The following ALCAM variants were observed in gnomAD, a reference collection of about 807,000 sequenced individuals.
ALCAM encodes activated leukocyte cell adhesion molecule, also known as CD166 antigen.
In ALCAM, 30 loss-of-function variants were observed where a neutral mutation model predicts 70.9. The observed-to-expected ratio is 0.42, with a 90% CI of 0.32 to 0.57. The LOEUF (loss-of-function observed/expected upper bound fraction) is 0.57, where lower values mean the gene tolerates loss of function less well. Ranked by LOEUF, ALCAM falls within the 20% of genes least tolerant of loss-of-function variation. The pLI is 0.11. For synonymous variants in ALCAM, 249 were observed against 242.5 expected, an observed-to-expected ratio of 1.03 and a Z score of -0.25; for missense variants, 591 against 695.1, an observed-to-expected ratio of 0.85 and a Z score of 1.68.
chr3:105,382,472 G>A (rs1269332876), intron 1 of ALCAM, among the ~76,000 whole-genome samples: 2 of 152,012 alleles, frequency 1.3e-5, no homozygotes, highest in African/African-American at 4.8e-5. Flanking sequence ...GGATGGCTGG[G>A]TCAAATGGTA....
intron 1 of ALCAM, among the ~76,000 whole-genome samples, chr3:105,506,564 T>C (rs1939084364): frequency 6.6e-6 from 1 of 152,234 alleles, no homozygotes; most frequent in South Asian, 2.1e-4. Context: ...AGCTCGTCTT[T>C]ATAACCTAGT....
At chr3:105,502,545 C>G (rs1453380711) in intron 1 of ALCAM, among the ~76,000 whole-genome samples, 1 of 152,160 alleles carries the variant, frequency 6.6e-6, no homozygotes, top group Non-Finnish European at 1.5e-5. Context: ...GCAGGTTAGA[C>G]GGATGGATTG....
intron 1 of ALCAM, among the ~76,000 whole-genome samples, chr3:105,496,156 TACATTGTAGTTTC>T (rs1197086481): frequency 1.3e-5 from 2 of 152,190 alleles, no homozygotes; most frequent in African/African-American, 4.8e-5. Context: ...AGTTCCCCAA[TACATTGTAGTTTC>T]CTATAATTAA....
At chr3:105,554,288 C>G (rs1242475209) in intron 14 of ALCAM, among the ~76,000 whole-genome samples, 4 of 151,902 alleles carry the variant, frequency 2.6e-5, no homozygotes, top group Non-Finnish European at 4.4e-5. Flanking sequence ...GGGCTAAAAC[C>G]CAGGAAGAAC....
At chr3:105,520,650 C>G (rs1282970028) in intron 2 of ALCAM, among the ~76,000 whole-genome samples, 2 of 148,034 alleles carry the variant, frequency 1.4e-5, no homozygotes, top group Non-Finnish European at 3.0e-5. Context: ...TGCTATAGGT[C>G]TTTTTTATAT....
chr3:105,399,427 T>G (rs940058384), intron 1 of ALCAM, among the ~76,000 whole-genome samples: 4 of 152,068 alleles, frequency 2.6e-5, no homozygotes, highest in African/African-American at 9.7e-5. Context: ...GAATATAAAT[T>G]TTATTATTAC....
intron 1 of ALCAM, among the ~76,000 whole-genome samples, chr3:105,493,323 A>T (rs897306929): frequency 7.9e-5 from 12 of 152,322 alleles, no homozygotes; most frequent in Non-Finnish European, 1.3e-4. Context: ...AATAATAATA[A>T]TCACATTTAT....
At chr3:105,462,352 G>A (rs1215275974) in intron 1 of ALCAM, among the ~76,000 whole-genome samples, 1 of 151,492 alleles carries the variant, frequency 6.6e-6, no homozygotes, top group Non-Finnish European at 1.5e-5. Context: ...AATATTTTGA[G>A]GAGGGTGAAA....
chr3:105,472,965 G>A (rs1441000044), intron 1 of ALCAM, among the ~76,000 whole-genome samples: 2 of 151,282 alleles, frequency 1.3e-5, no homozygotes, highest in African/African-American at 4.8e-5. Context: ...AATAAGGTGG[G>A]CCCATAGTAA....
Position 105,547,293 on chromosome 3 carries a change from A to T in ALCAM, c.1240+9A>T. 6.3e-7 allele frequency: 1 copy of T among 1,585,526 alleles called. No individual in the cohort carries two copies. On this transcript the variant is annotated intron_variant, in intron 10 of 15. Transcript: ENST00000306107. ...GACTCTCATTGTAGAAGGTAATAAA[A>T]TACTTGGGCACTAATTCAAATTGTT...
chr3:105,389,985 A>C (rs748131028), intron 1 of ALCAM, among the ~76,000 whole-genome samples: 1 of 151,954 alleles, frequency 6.6e-6, no homozygotes, highest in Admixed American at 6.6e-5. Context: ...CCAGCCTATC[A>C]TTGATAGGCA....
At chr3:105,424,017 G>GC (rs1936732408) in intron 1 of ALCAM, among the ~76,000 whole-genome samples, 1 of 151,442 alleles carries the variant, frequency 6.6e-6, no homozygotes, top group Admixed American at 6.6e-5. Context: ...TGGTACATGT[G>GC]CCATGTACAC....
chr3:105,566,760 G>T (rs1223531539), intron 14 of ALCAM, among the ~76,000 whole-genome samples: 1 of 151,974 alleles, frequency 6.6e-6, no homozygotes, highest in African/African-American at 2.4e-5. Context: ...ATATTATAAA[G>T]ATCAACTGTG....
At chr3:105,569,941 G>A (rs928243493) in intron 14 of ALCAM, among the ~76,000 whole-genome samples, 1 of 152,098 alleles carries the variant, frequency 6.6e-6, no homozygotes, top group Non-Finnish European at 1.5e-5. Flanking sequence ...GCAAGCCAAA[G>A]GTAGACCAAA....
intron 1 of ALCAM, among the ~76,000 whole-genome samples, chr3:105,404,856 A>G (rs1936181382): frequency 6.6e-6 from 1 of 152,206 alleles, no homozygotes; most frequent in Admixed American, 6.5e-5. Flanking sequence ...CACCTAACAC[A>G]TAATGATTCA....
intron 1 of ALCAM, among the ~76,000 whole-genome samples, chr3:105,513,956 A>G (rs1939310909): frequency 6.6e-6 from 1 of 151,968 alleles, no homozygotes; most frequent in Non-Finnish European, 1.5e-5. Flanking sequence ...AGAGAAAACC[A>G]AGCGTCACTC....
chr3:105,474,852 G>A (rs190426282), intron 1 of ALCAM, among the ~76,000 whole-genome samples: 22 of 150,378 alleles, frequency 1.5e-4, no homozygotes, highest in Admixed American at 1.4e-3. Context: ...TTGTTTTTTT[G>A]TCACATATAA....
At chr3:105,524,053 T>A (rs116126370) in intron 2 of ALCAM, among the ~76,000 whole-genome samples, 2,284 of 152,112 alleles carry the variant, frequency 0.015, 26 homozygotes, top group Middle Eastern at 0.027. Context: ...ATCTTCTCAA[T>A]GAAAAAAAAA....
chr3:105,389,520 AT>A (rs1935756256), intron 1 of ALCAM, among the ~76,000 whole-genome samples: 1 of 151,136 alleles, frequency 6.6e-6, no homozygotes, highest in Non-Finnish European at 1.5e-5. Context: ...AATATTTATA[AT>A]GTGTACATTA....
Sources: allele counts gnomAD v4.1 joint callset (sites outside exome capture counted in the v4.1 genomes callset), GRCh38; gene constraint gnomAD v4.1.1; transcripts MANE v1.5; gene names NCBI Gene and HGNC (gene_info 2026-07-23, HGNC 2026-07-21).